Variants in PDZRN3 observed in about 807,000 individuals in gnomAD.
PDZRN3 encodes the protein PDZ domain containing ring finger 3, also known as E3 ubiquitin-protein ligase PDZRN3.
In PDZRN3, 38 loss-of-function variants were observed where a neutral mutation model predicts 85.7. That is an observed-to-expected ratio of 0.44 (90% CI 0.34 to 0.58). PDZRN3 has a LOEUF of 0.58. PDZRN3 is among the 20% of genes least tolerant of loss of function. The pLI, the probability that PDZRN3 is intolerant of heterozygous loss-of-function variation, is 0.01. For missense variants in PDZRN3, 1,629 were observed against 1,506.4 expected (o/e 1.08, Z -1.35); for synonymous variants, 759 against 638.0 (o/e 1.19, Z -2.86).
chr3:73,472,422 C>A (rs984951860), intron 3 of PDZRN3, among the ~76,000 whole-genome samples: 4 of 152,214 alleles, frequency 2.6e-5, no homozygotes, highest in Non-Finnish European at 5.9e-5. Context: ...AATTGACTAA[C>A]CACGGTGTTG....
chr3:73,463,835 A>G (rs1053851472), intron 3 of PDZRN3, among the ~76,000 whole-genome samples: 3 of 152,112 alleles, frequency 2.0e-5, no homozygotes, highest in African/African-American at 4.8e-5. Context: ...AAAAATAACT[A>G]ATGGATAGTA....
At chr3:73,435,953 C>A (rs1469086054) in intron 3 of PDZRN3, among the ~76,000 whole-genome samples, 1 of 152,198 alleles carries the variant, frequency 6.6e-6, no homozygotes, top group African/African-American at 2.4e-5. Context: ...CCCATCATTG[C>A]TCACCCACTC....
intron 3 of PDZRN3, among the ~76,000 whole-genome samples, chr3:73,510,824 A>G (rs1475025761): frequency 6.6e-6 from 1 of 152,186 alleles, no homozygotes; most frequent in Non-Finnish European, 1.5e-5. Flanking sequence ...GAGATTAACA[A>G]TAAAATAGAC....
At chr3:73,399,152 A>G (rs1321603036) in intron 5 of PDZRN3, among the ~76,000 whole-genome samples, 1 of 152,220 alleles carries the variant, frequency 6.6e-6, no homozygotes, top group Non-Finnish European at 1.5e-5. Context: ...ACCCACTGCT[A>G]CAAAGTCAAG....
intron 3 of PDZRN3, among the ~76,000 whole-genome samples, chr3:73,416,751 C>T (rs1260758258): frequency 6.6e-6 from 1 of 152,142 alleles, no homozygotes; most frequent in East Asian, 1.9e-4. Context: ...AAGCTCTACC[C>T]ACTTGCTCTT....
chr3:73,546,331 G>A (rs929174427), intron 3 of PDZRN3, among the ~76,000 whole-genome samples: 6 of 152,142 alleles, frequency 3.9e-5, no homozygotes, highest in Admixed American at 6.5e-5. Flanking sequence ...AACACAAAAC[G>A]AAGACAATCT....
At chr3:73,386,710 T>C (rs761281702) in intron 8 of PDZRN3, among the ~76,000 whole-genome samples, 1 of 152,210 alleles carries the variant, frequency 6.6e-6, no homozygotes, top group Non-Finnish European at 1.5e-5. Context: ...ATGGCAGAGA[T>C]GGTATGGCCA....
chr3:73,390,080 G>A (rs1033220974), intron 6 of PDZRN3, among the ~76,000 whole-genome samples: 10 of 152,102 alleles, frequency 6.6e-5, no homozygotes, highest in African/African-American at 2.4e-4. Flanking sequence ...GCTGGTTCTT[G>A]GATCCCTGTG....
At chr3:73,391,443 A>G (rs1297167259) in intron 5 of PDZRN3, among the ~76,000 whole-genome samples, 2 of 152,228 alleles carry the variant, frequency 1.3e-5, no homozygotes, top group African/African-American at 4.8e-5. Context: ...TGCCACAAAC[A>G]AGAATATTTC....
At chr3:73,431,693 T>A (rs1368856581) in intron 3 of PDZRN3, among the ~76,000 whole-genome samples, 1 of 152,222 alleles carries the variant, frequency 6.6e-6, no homozygotes, top group Non-Finnish European at 1.5e-5. Context: ...TGAAAATAAA[T>A]CTGCATGGCT....
At chr3:73,399,577 G>A (rs1038708816) in intron 5 of PDZRN3, among the ~76,000 whole-genome samples, 10 of 152,184 alleles carry the variant, frequency 6.6e-5, no homozygotes, top group South Asian at 4.1e-4. Context: ...AGGAGTCACG[G>A]CTGCTTCACC....
At chr3:73,394,504 T>TTCTA (rs959857144) in intron 5 of PDZRN3, among the ~76,000 whole-genome samples, 16 of 152,176 alleles carry the variant, frequency 1.1e-4, no homozygotes, top group Non-Finnish European at 1.5e-4. Flanking sequence ...AGGAGCAGTT[T>TTCTA]TCTATCTTAG....
chr3:73,480,775 A>G (rs539159219), intron 3 of PDZRN3, among the ~76,000 whole-genome samples: 2 of 152,310 alleles, frequency 1.3e-5, no homozygotes, highest in African/African-American at 4.8e-5. Context: ...ATATCTGTCT[A>G]AAGAAACAGT....
chr3:73,541,702 C>T (rs1002370101), intron 3 of PDZRN3, among the ~76,000 whole-genome samples: 6 of 152,132 alleles, frequency 3.9e-5, no homozygotes, highest in African/African-American at 1.4e-4. Flanking sequence ...CTCATCTTTA[C>T]CAAGAAGACT....
At chr3:73,607,628 T>C (rs1184885722) in intron 2 of PDZRN3, among the ~76,000 whole-genome samples, 2 of 152,226 alleles carry the variant, frequency 1.3e-5, no homozygotes, top group Non-Finnish European at 2.9e-5. Flanking sequence ...TCTTTCCTGA[T>C]AACCCAAGCT....
At chr3:73,569,014 CATT>C in intron 3 of PDZRN3, 1 of 417,650 alleles carries the variant, frequency 2.4e-6, no homozygotes, top group Non-Finnish European at 4.7e-6. Context: ...AGGTAGGTAT[CATT>C]ATTCCCATTT....
rs115219862 is a variant in PDZRN3, at chr3:73,470,388, A to C, written c.919-65993T>G. 3.9e-3 allele frequency among the ~76,000 whole-genome samples: 594 copies of C among 152,316 alleles called. 6 individuals carry two copies. The highest frequency in any genetic ancestry group is 0.014 in the African/African-American group (563 of 41,564). On this transcript the variant is annotated intron_variant, in intron 3 of 9. Transcript: ENST00000263666. Reference sequence around the variant, plus strand: ...TGGGCTGCTTGAAGAACTAACCTTCATGAAGTCTGTGCTATGTGCTAAGTA... The same window carrying C: ...TGGGCTGCTTGAAGAACTAACCTTCCTGAAGTCTGTGCTATGTGCTAAGTA...
At chr3:73,561,718 C>G (rs1701819471) in intron 3 of PDZRN3, 1 of 152,152 alleles carries the variant, frequency 6.6e-6, no homozygotes, top group South Asian at 2.1e-4. Context: ...CATGCGGATC[C>G]TCACATGCGG....
At chr3:73,565,659 C>T (rs533261381) in intron 3 of PDZRN3, among the ~76,000 whole-genome samples, 1 of 152,026 alleles carries the variant, frequency 6.6e-6, no homozygotes, top group African/African-American at 2.4e-5. Flanking sequence ...CTTCAGGGGC[C>T]GGGCGCGGTG....
Sources: gnomAD v4.1 joint callset for allele counts (sites outside exome capture counted in the v4.1 genomes callset) on GRCh38, gnomAD v4.1.1 for gene constraint, MANE v1.5 for transcripts, NCBI Gene and HGNC (gene_info 2026-07-23, HGNC 2026-07-21) for gene names.